Variants in FSTL5 observed in about 807,000 individuals in gnomAD.
FSTL5 encodes follistatin-related protein 5.
In FSTL5, 62 loss-of-function variants were observed where a neutral mutation model predicts 89.1. That is an observed-to-expected ratio of 0.70 (90% confidence interval 0.57 to 0.86). The LOEUF (loss-of-function observed/expected upper bound fraction) is 0.86, where lower values mean the gene tolerates loss of function less well. Among genes scored for constraint, FSTL5 ranks in the 40% least tolerant of loss-of-function variants. The pLI, the probability that FSTL5 is intolerant of heterozygous loss-of-function variation, is 0.00. For missense variants in FSTL5, 1,057 were observed against 1,001.6 expected (o/e 1.06, Z -0.75); for synonymous variants, 383 against 346.2 (o/e 1.11, Z -1.18).
chr4:161,669,952 C>T (rs190145456), intron 6 of FSTL5, among the ~76,000 whole-genome samples: 1 of 152,026 alleles, frequency 6.6e-6, no homozygotes, highest in Non-Finnish European at 1.5e-5. Flanking sequence ...GATGAGCACT[C>T]TTTTACTTAC....
At chr4:161,490,852 T>A (rs1457864306) in intron 12 of FSTL5, among the ~76,000 whole-genome samples, 1 of 152,120 alleles carries the variant, frequency 6.6e-6, no homozygotes, top group Non-Finnish European at 1.5e-5. Flanking sequence ...TAAAATAATA[T>A]TGGACAAAGA....
At chr4:161,416,043 T>C (rs963179008) in intron 15 of FSTL5, among the ~76,000 whole-genome samples, 1 of 152,052 alleles carries the variant, frequency 6.6e-6, no homozygotes, top group African/African-American at 2.4e-5. Flanking sequence ...TCTTTATTCG[T>C]TGATGAGCTT....
At chr4:161,824,187 T>G (rs985011510) in intron 4 of FSTL5, among the ~76,000 whole-genome samples, 6 of 152,226 alleles carry the variant, frequency 3.9e-5, no homozygotes, top group Middle Eastern at 3.2e-3. Flanking sequence ...TTGATTTTTA[T>G]GTAAGGTGAC....
chr4:161,972,225 G>A (rs1335573882), intron 3 of FSTL5, among the ~76,000 whole-genome samples: 1 of 152,014 alleles, frequency 6.6e-6, no homozygotes, highest in Non-Finnish European at 1.5e-5. Flanking sequence ...ACGAATAGCT[G>A]GGATTACAGG....
At chr4:161,732,362 G>C (rs548495283) in intron 6 of FSTL5, among the ~76,000 whole-genome samples, 9 of 151,816 alleles carry the variant, frequency 5.9e-5, no homozygotes, top group Non-Finnish European at 1.0e-4. Context: ...CCCTGTTATT[G>C]GGTGGAAGAA....
chr4:161,640,376 CG>C (rs1217852729), intron 7 of FSTL5, among the ~76,000 whole-genome samples: 1 of 152,006 alleles, frequency 6.6e-6, no homozygotes, highest in Non-Finnish European at 1.5e-5. Flanking sequence ...AGGTTTTAGA[CG>C]ATTGTTTTCT....
intron 15 of FSTL5, among the ~76,000 whole-genome samples, chr4:161,395,048 C>A (rs981779372): frequency 2.6e-5 from 4 of 151,978 alleles, no homozygotes; most frequent in African/African-American, 9.7e-5. Flanking sequence ...ATTTAAATAA[C>A]AAACAGATTC....
In FSTL5 at chr4:161,983,419, G is replaced by T. The variant is rs114733024; in HGVS notation, c.160+50206C>A. Reference sequence around the variant, plus strand: ...CCAGTCAAGTTATGTAGTTAGTTTAGACTCCTCTAAGGACGAAAGCAGAAA... The same window carrying T: ...CCAGTCAAGTTATGTAGTTAGTTTATACTCCTCTAAGGACGAAAGCAGAAA... On this transcript the variant is annotated intron_variant, in intron 3 of 15. Transcript: ENST00000306100. Among the ~76,000 whole-genome samples the T allele has an allele frequency of 6.4e-4, 98 of 152,252 alleles. 1 individual carries two copies. Among genetic ancestry groups the T allele is most frequent in the African/African-American group, 2.3e-3 (94 of 41,548 alleles).
rs1292103896 is a variant in FSTL5, at chr4:161,580,693, C to T, written c.1015+6762G>A. Among the ~76,000 whole-genome samples, 5 of 152,092 alleles carry T rather than the reference C, an allele frequency of 3.3e-5. No homozygotes were observed. In the East Asian group the frequency reaches 7.7e-4, roughly 23 times the overall value. On this transcript the variant is annotated intron_variant, in intron 8 of 15. Transcript: ENST00000306100. ...GTCCCTCATTGGTTAATGATGATTCCTAAGGACATCAACTCCCTGGCATAT... is the reference window on the plus strand; with the variant it reads ...GTCCCTCATTGGTTAATGATGATTCTTAAGGACATCAACTCCCTGGCATAT...
rs555905498 is a variant in FSTL5 at position 162,121,705 on chromosome 4, A to C, written c.-16-10293T>G. Among the ~76,000 whole-genome samples, 167 of 152,146 alleles carry C rather than the reference A, an allele frequency of 1.1e-3. 1 individual carries two copies. The highest frequency in any genetic ancestry group is 6.8e-3 in the Middle Eastern group (2 of 294). ...TGTATCAGCTTTGCTTATATATGAC[A>C]GTATCTAAAAAAAAGTTACTTCAAT... On this transcript the variant is annotated intron_variant, in intron 1 of 15. Transcript: ENST00000306100.
intron 3 of FSTL5, among the ~76,000 whole-genome samples, chr4:161,981,702 G>GT (rs1292339408): frequency 6.6e-6 from 1 of 152,172 alleles, no homozygotes; most frequent in African/African-American, 2.4e-5. Flanking sequence ...ACTTTGAAAT[G>GT]TAAGTTTGGA....
At chr4:161,710,848 C>T (rs555533672) in intron 6 of FSTL5, among the ~76,000 whole-genome samples, 137 of 152,178 alleles carry the variant, frequency 9.0e-4, no homozygotes, top group African/African-American at 3.1e-3. Flanking sequence ...AATATGGTTT[C>T]TGAACACAAG....
At chr4:161,456,346 T>C (rs938396402) in intron 14 of FSTL5, among the ~76,000 whole-genome samples, 6 of 152,168 alleles carry the variant, frequency 3.9e-5, no homozygotes, top group Non-Finnish European at 7.4e-5. Context: ...GGACACTAAT[T>C]GGAAAATATT....
chr4:161,577,473 C>CAAAAAAAAAAAAA (rs544029134), intron 8 of FSTL5, among the ~76,000 whole-genome samples: 10 of 110,176 alleles, frequency 9.1e-5, no homozygotes, highest in Non-Finnish European at 1.1e-4. Flanking sequence ...AGAAAAAAGA[C>CAAAAAAAAAAAAA]AAAAAAAAAA....
intron 7 of FSTL5, among the ~76,000 whole-genome samples, chr4:161,643,737 G>T (rs1171792869): frequency 6.6e-6 from 1 of 152,164 alleles, no homozygotes; most frequent in African/African-American, 2.4e-5. Context: ...TAAAGAAATT[G>T]AATCTAGAAA....
At chr4:161,894,990 A>T (rs1236680057) in intron 4 of FSTL5, among the ~76,000 whole-genome samples, 2 of 152,204 alleles carry the variant, frequency 1.3e-5, no homozygotes, top group Non-Finnish European at 2.9e-5. Context: ...GCTACTTATT[A>T]TGTCTCAGGT....
chr4:161,628,415 C>A (rs1462753244), intron 7 of FSTL5, among the ~76,000 whole-genome samples: 1 of 152,046 alleles, frequency 6.6e-6, no homozygotes, highest in Non-Finnish European at 1.5e-5. Flanking sequence ...ACACTCCAAC[C>A]AGAAATATGA....
At chr4:161,494,185 C>A (rs573414634) in intron 12 of FSTL5, among the ~76,000 whole-genome samples, 1 of 152,018 alleles carries the variant, frequency 6.6e-6, no homozygotes, top group East Asian at 1.9e-4. Flanking sequence ...GGGAATAAAG[C>A]TCACATTTTT....
intron 8 of FSTL5, among the ~76,000 whole-genome samples, chr4:161,575,955 A>G (rs1733194603): frequency 6.6e-6 from 1 of 152,218 alleles, no homozygotes; most frequent in Non-Finnish European, 1.5e-5. Context: ...TAAGCTGATA[A>G]GAAACTTCAG....
Sources: allele counts gnomAD v4.1 joint callset (sites outside exome capture counted in the v4.1 genomes callset), GRCh38; gene constraint gnomAD v4.1.1; transcripts MANE v1.5; gene names NCBI Gene and HGNC (gene_info 2026-07-23, HGNC 2026-07-21).